WASHC5: variants seen among roughly 807,000 people sequenced by gnomAD.
WASHC5 encodes WASH complex subunit 5, also known as WASH complex subunit strumpellin.
A neutral mutation model predicts 150.4 loss-of-function variants in WASHC5; 101 were observed. The ratio of observed to expected loss-of-function variants is 0.67; its 90% CI spans 0.57 to 0.79. WASHC5 has a LOEUF of 0.79. Ranked by LOEUF, WASHC5 falls within the 30% of genes least tolerant of loss-of-function variation. WASHC5 has a pLI of 0.00. For missense variants in WASHC5, 1,195 were observed against 1,396.3 expected (o/e 0.86, Z 2.30); for synonymous variants, 467 against 491.2 (o/e 0.95, Z 0.65).
In WASHC5 at chr8:125,024,326, A is replaced by C. The variant is rs1431389974; in HGVS notation, c.*291T>G. On this transcript the variant is annotated 3_prime_UTR_variant, in exon 29 of 29. Coordinates refer to ENST00000318410, the MANE Select transcript of WASHC5 (RefSeq NM_014846.4). ...GCACAAATAGTTCTTTAGAACATAA[A>C]ACTAAATGGATTTATACATAACAGT... The C allele has an allele frequency of 1.6e-5, 7 of 444,604 alleles. No homozygotes were observed. Among genetic ancestry groups the C allele is most frequent in the African/African-American group, 1.4e-4 (7 of 50,424 alleles). The allele number at this position is 444,604 out of a possible 1,614,324, so 27.5% of individuals were successfully genotyped here.
intron 21 of WASHC5, 34 bp downstream of exon 21, chr8:125,044,502 G>T (rs1398866828): frequency 1.9e-6 from 3 of 1,611,726 alleles, no homozygotes; most frequent in Non-Finnish European, 2.5e-6. Context: ...CCCCCAGGGT[G>T]GCAGAAAACA....
At chr8:125,080,441 G>C (rs989751723) in intron 5 of WASHC5, among the ~76,000 whole-genome samples, 1 of 152,196 alleles carries the variant, frequency 6.6e-6, no homozygotes, top group Non-Finnish European at 1.5e-5. Flanking sequence ...GAAAGGAAAA[G>C]GCTAGTTGAG....
chr8:125,056,783 G>C lies in WASHC5; in HGVS notation c.1910C>G (p.Ser637Cys). 1 of 1,614,152 alleles carries C rather than the reference G, an allele frequency of 6.2e-7. No homozygotes were observed. The highest frequency in any genetic ancestry group is 8.5e-7 in the Non-Finnish European group (1 of 1,179,994). Reference protein sequence around the residue: ...LQIIPESMFTSLLKIIKLQTH... With the variant: ...LQIIPESMFTCLLKIIKLQTH... ...CTGAAGCTTTATGATCTTTAGAAGAGATGTAAACATGCTTTCTGGGATGAT... is the reference window on the plus strand; with the variant it reads ...CTGAAGCTTTATGATCTTTAGAAGACATGTAAACATGCTTTCTGGGATGAT... The change falls in exon 16 of 29, where the codon TCT (serine) becomes TGT (cysteine). Residue 637 changes from serine (S) to cysteine (C), a missense_variant. Ser to Cys is a moderately radical substitution (Grantham distance 112). This residue lies in a region of WASHC5 where 997 missense variants were observed against 1,168.1 expected (regional missense o/e 0.85). Coordinates refer to ENST00000318410, the MANE Select transcript of WASHC5 (RefSeq NM_014846.4).
intron 5 of WASHC5, among the ~76,000 whole-genome samples, chr8:125,080,054 C>T (rs1409290391): frequency 6.6e-6 from 1 of 152,084 alleles, no homozygotes; most frequent in African/African-American, 2.4e-5. Flanking sequence ...TGTGATTTTT[C>T]CGGGTGGAAT....
intron 24 of WASHC5, among the ~76,000 whole-genome samples, chr8:125,039,365 G>A (rs1815814425): frequency 6.6e-6 from 1 of 152,138 alleles, no homozygotes; most frequent in African/African-American, 2.4e-5. Flanking sequence ...ACCACTCTTG[G>A]TAATCAACAC....
intron 28 of WASHC5, among the ~76,000 whole-genome samples, chr8:125,028,091 T>C (rs573526451): frequency 1.3e-5 from 2 of 152,362 alleles, no homozygotes; most frequent in South Asian, 4.1e-4. Flanking sequence ...AAGTTGTATT[T>C]TTCAGTATCA....
At position 125,065,776 on chromosome 8, in the gene WASHC5, C is replaced by A. The variant is rs1319780631; in HGVS notation, c.1278+1816G>T. Among the ~76,000 whole-genome samples the A allele has an allele frequency of 2.0e-5, 3 of 151,982 alleles. No homozygotes were observed. In the South Asian group the frequency reaches 6.2e-4, roughly 32 times the overall value. Reference sequence around the variant, plus strand: ...GGAATACAGGCACGCGCCACTGCACCCAGCTAATTTTTGTATTTTTAGTAC... The same window carrying A: ...GGAATACAGGCACGCGCCACTGCACACAGCTAATTTTTGTATTTTTAGTAC... On this transcript the variant is annotated intron_variant, in intron 10 of 28. Coordinates refer to ENST00000318410, the MANE Select transcript of WASHC5 (RefSeq NM_014846.4).
At position 125,042,789 on chromosome 8, in the gene WASHC5, C is replaced by A. The variant is rs1435868689; in HGVS notation, c.2850+1036G>T. ...AATCATGAGGCTAGGGGAAGGCAGA[C>A]CCACATCACGAGAGGATATCTAGCA... On this transcript the variant is annotated intron_variant, in intron 23 of 28. Coordinates refer to ENST00000318410, the MANE Select transcript of WASHC5 (RefSeq NM_014846.4). Among the ~76,000 whole-genome samples the A allele has an allele frequency of 2.6e-5, 4 of 152,254 alleles. 1 individual carries two copies. In the South Asian group the frequency reaches 8.3e-4, roughly 32 times the overall value.
rs149002566 is a variant in WASHC5, at chr8:125,028,642, C to T, written c.3401G>A (p.Arg1134Gln). ...TACCCTCCTGGGTAGCTTTGTGTAC[C>T]GAACATAATCCTCCAGGAACAGAAG... Reference protein sequence around the residue: ...GALLFLEDYVRYTKLPRRVAE... With the variant: ...GALLFLEDYVQYTKLPRRVAE... The change falls in exon 28 of 29, where the codon CGG (arginine) becomes CAG (glutamine). Residue 1134 changes from arginine (R) to glutamine (Q), a missense_variant. Transcript: ENST00000318410. The T allele has an allele frequency of 2.2e-5, 35 of 1,612,774 alleles. No homozygotes were observed. The highest frequency in any genetic ancestry group is 2.5e-5 in the Non-Finnish European group (29 of 1,179,014).
intron 1 of WASHC5, among the ~76,000 whole-genome samples, chr8:125,090,124 C>T (rs1295258723): frequency 1.3e-5 from 2 of 152,164 alleles, no homozygotes; most frequent in Non-Finnish European, 2.9e-5. Context: ...AAGGAAATCA[C>T]TTAGTTACAT....
intron 7 of WASHC5, among the ~76,000 whole-genome samples, chr8:125,075,588 A>G (rs1470158965): frequency 6.6e-6 from 1 of 152,180 alleles, no homozygotes; most frequent in Admixed American, 6.5e-5. Context: ...CCACACTATC[A>G]GTGTTTTCCT....
rs1817144309 is a variant in WASHC5, at chr8:125,078,859, C to A, written c.590G>T (p.Ser197Ile). The A allele has an allele frequency of 1.2e-6, 2 of 1,613,722 alleles. No homozygotes were observed. Among genetic ancestry groups the A allele is most frequent in the African/African-American group, 2.7e-5 (2 of 74,846 alleles). The change falls in exon 6 of 29, where the codon AGC becomes ATC. Residue 197 changes from serine (S) to isoleucine (I), a missense_variant. Transcript: ENST00000318410. ...GGATGGTCTTTTGGCACCTGGTTGG[C>A]TAGAATAACCTGTACTTCGAAGCAG... is the stretch of plus-strand genomic sequence containing the variant. ...CKLLRSTGYSSQPGAKRPSNY... is the reference protein window; with the variant it reads ...CKLLRSTGYSIQPGAKRPSNY...
rs1401473764 is a variant in WASHC5, at chr8:125,044,101, A to G, written c.2668-7T>C. ...GAAACATACTGAGGAAATTCTAAAA[A>G]CAAGAAGGCACGGTCAAAGAACCAA... On this transcript the variant is annotated splice_polypyrimidine_tract_variant and splice_region_variant and intron_variant, in intron 21 of 28. Transcript: ENST00000318410. 3 of 1,551,176 alleles carry G rather than the reference A, an allele frequency of 1.9e-6. No individual in the cohort carries two copies. The highest frequency in any genetic ancestry group is 1.7e-5 in the Admixed American group (1 of 59,908).
At chr8:125,072,264 G>C (rs1222764329) in intron 9 of WASHC5, among the ~76,000 whole-genome samples, 2 of 146,746 alleles carry the variant, frequency 1.4e-5, no homozygotes, top group East Asian at 4.0e-4. Flanking sequence ...TGTATCGCTT[G>C]AGCCCAGGAG....
chr8:125,083,361 C>T (rs1435025104), intron 2 of WASHC5, 103 bp from the exon 3 acceptor site: 1 of 1,062,860 alleles, frequency 9.4e-7, no homozygotes, highest in East Asian at 2.5e-5. Flanking sequence ...TTAGACATCC[C>T]AAACTTAAAG....
chr8:125,050,336 T>C lies in WASHC5; in HGVS notation c.2199+228A>G, dbSNP rs28386832. ...AGGAAAGAAGCACTGGTTTTAAAAA[T>C]ATGAAGTTTTAAATATAAAATCTAA... On this transcript the variant is annotated intron_variant, in intron 18 of 28. Coordinates refer to ENST00000318410, the MANE Select transcript of WASHC5 (RefSeq NM_014846.4). Among the ~76,000 whole-genome samples, 16,615 of 152,120 alleles carry C rather than the reference T, an allele frequency of 0.11. 2,130 individuals are homozygous for C. The highest frequency in any genetic ancestry group is 0.31 in the African/African-American group (12,696 of 41,476).
At chr8:125,073,644 G>T (rs1816969058) in intron 8 of WASHC5, among the ~76,000 whole-genome samples, 2 of 152,280 alleles carry the variant, frequency 1.3e-5, no homozygotes, top group Middle Eastern at 3.4e-3. Flanking sequence ...TAGTTCTAGG[G>T]CTCAAAGATA....
At chr8:125,037,846 T>C (rs1815762337) in intron 25 of WASHC5, among the ~76,000 whole-genome samples, 1 of 152,124 alleles carries the variant, frequency 6.6e-6, no homozygotes, top group Non-Finnish European at 1.5e-5. Flanking sequence ...CCCTAGGCAA[T>C]GTCACAGAGC....
At chr8:125,040,482 G>T (rs1042259969) in intron 23 of WASHC5, among the ~76,000 whole-genome samples, 4 of 151,694 alleles carry the variant, frequency 2.6e-5, no homozygotes, top group African/African-American at 9.7e-5. Context: ...AATTTTTTTT[G>T]TGTGTCTGAT....
Sources: allele counts gnomAD v4.1 joint callset (sites outside exome capture counted in the v4.1 genomes callset), GRCh38; gene constraint gnomAD v4.1.1; regional missense constraint gnomAD v4.1.1; transcripts MANE v1.5; gene names NCBI Gene and HGNC (gene_info 2026-07-23, HGNC 2026-07-21).